The following RIMKLB variants were observed in gnomAD, a reference collection of about 807,000 sequenced individuals.
The protein encoded by RIMKLB is ribosomal modification protein rimK like family member B, also known as beta-citrylglutamate synthase B.
Under a neutral mutation model 32.0 loss-of-function variants are expected in RIMKLB, and 7 were observed. That is an observed-to-expected ratio of 0.22 (90% confidence interval 0.12 to 0.41). The LOEUF (loss-of-function observed/expected upper bound fraction) is 0.41, where lower values mean the gene tolerates loss of function less well. RIMKLB is among the 10% of genes least tolerant of loss of function. RIMKLB has a pLI of 1.00. For missense variants in RIMKLB, 289 were observed against 498.7 expected (o/e 0.58, Z 4.00); for synonymous variants, 172 against 185.1 (o/e 0.93, Z 0.57).
chr12:8,676,891 A>G (rs751647476), upstream of RIMKLB, among the ~76,000 whole-genome samples: 1 of 149,710 alleles, frequency 6.7e-6, no homozygotes, highest in South Asian at 2.1e-4. Context: ...AGTGACTACC[A>G]AGGGACTCTA....
intron 2 of RIMKLB, chr12:8,742,457 G>A: frequency 5.1e-6 from 2 of 391,188 alleles, no homozygotes; most frequent in South Asian, 1.9e-5. Context: ...CCTACAAAGA[G>A]CACATGGAGG....
At chr12:8,768,629 A>G (rs756709596) in intron 5 of RIMKLB, among the ~76,000 whole-genome samples, 72 of 152,370 alleles carry the variant, frequency 4.7e-4, no homozygotes, top group African/African-American at 1.6e-3. Flanking sequence ...ACATTGGAAT[A>G]AAGGATAGCT....
At chr12:8,693,693 G>A (rs994144075), upstream of RIMKLB, among the ~76,000 whole-genome samples, 3 of 151,956 alleles carry the variant, frequency 2.0e-5, no homozygotes, top group Non-Finnish European at 2.9e-5. Flanking sequence ...ACACCACACC[G>A]GGCCTGTACT....
chr12:8,708,342 C>T (rs778803057), intron 1 of RIMKLB, among the ~76,000 whole-genome samples: 2 of 152,052 alleles, frequency 1.3e-5, no homozygotes, highest in Non-Finnish European at 2.9e-5. Context: ...GGGAAGGGTC[C>T]TCACAAGAAA....
intron 2 of RIMKLB, among the ~76,000 whole-genome samples, chr12:8,746,761 T>A (rs1326044261): frequency 6.6e-6 from 1 of 151,142 alleles, no homozygotes. Context: ...TTCAAAAAAC[T>A]TTTTTTTTCC....
intron 2 of RIMKLB, among the ~76,000 whole-genome samples, chr12:8,732,255 A>G (rs755348557): frequency 6.6e-6 from 1 of 152,068 alleles, no homozygotes; most frequent in Non-Finnish European, 1.5e-5. Context: ...TTAGCAGGTG[A>G]TTCCTACTTG....
intron 2 of RIMKLB, among the ~76,000 whole-genome samples, chr12:8,715,774 A>G (rs943435968): frequency 1.3e-5 from 2 of 152,246 alleles, no homozygotes; most frequent in Non-Finnish European, 2.9e-5. Flanking sequence ...TGAGGTCAAC[A>G]TTAGTCAATC....
chr12:8,773,713 A>T lies in RIMKLB; in HGVS notation c.1090A>T (p.Thr364Ser), dbSNP rs755726796. Residue 364 changes from threonine to serine, a missense_variant, in exon 6 of 6, where the codon ACC becomes TCC. Thr to Ser is a moderately conservative substitution (Grantham distance 58, BLOSUM62 1). Transcript: ENST00000535829. ...DPESTERELL[T>S]KLPGGLFNMN... is the part of the protein sequence containing the mutation. ...TGAAAGCACGGAGCGAGAGCTGCTC[A>T]CCAAGCTCCCAGGGGGCCTGTTCAA... 1 of 1,614,234 alleles carries T rather than the reference A, an allele frequency of 6.2e-7. No homozygotes were observed. Among genetic ancestry groups the T allele is most frequent in the South Asian group, 1.1e-5 (1 of 91,086 alleles).
chr12:8,704,860 C>T (rs1943711206), intron 1 of RIMKLB, among the ~76,000 whole-genome samples: 1 of 626 alleles, frequency 1.6e-3, no homozygotes, highest in African/African-American at 8.6e-3. Flanking sequence ...TGGTACATAC[C>T]TGTCATCCCA....
chr12:8,767,196 TC>T (rs1591990831), intron 5 of RIMKLB, among the ~76,000 whole-genome samples: 1 of 152,262 alleles, frequency 6.6e-6, no homozygotes, highest in East Asian at 1.9e-4. Flanking sequence ...ACACTGTTTT[TC>T]CTTTACTACT....
In RIMKLB at chr12:8,775,693, T is replaced by C; in HGVS notation, c.*1909T>C. 1.0e-6 allele frequency: 1 copy of C among 984,880 alleles called. No individual in the cohort carries two copies. The highest frequency in any genetic ancestry group is 1.2e-6 in the Non-Finnish European group (1 of 829,036). The allele number at this position is 984,880 out of a possible 1,614,324, so 61.0% of individuals were successfully genotyped here. A position where few individuals can be genotyped will look rare whatever the true frequency, so the allele number is the denominator to read the frequency against. Reference sequence around the variant, plus strand: ...AAAAAGGAATGTAATAAAATTTGTTTTTTCCATAGAATTAAATAATATTAA... The same window carrying C: ...AAAAAGGAATGTAATAAAATTTGTTCTTTCCATAGAATTAAATAATATTAA... On this transcript the variant is annotated 3_prime_UTR_variant, in exon 6 of 6. Transcript: ENST00000535829.
chr12:8,739,282 G>T (rs1271411667), intron 2 of RIMKLB, among the ~76,000 whole-genome samples: 1 of 152,124 alleles, frequency 6.6e-6, no homozygotes, highest in East Asian at 1.9e-4. Flanking sequence ...GTCCTTACAT[G>T]GAGAAGAGAG....
At chr12:8,728,104 C>A (rs781159657) in intron 2 of RIMKLB, among the ~76,000 whole-genome samples, 2 of 152,154 alleles carry the variant, frequency 1.3e-5, no homozygotes, top group African/African-American at 2.4e-5. Flanking sequence ...TTCTTTCTTA[C>A]AATTCCCATA....
At chr12:8,696,884 C>T (rs1288501937), upstream of RIMKLB, among the ~76,000 whole-genome samples, 1 of 152,156 alleles carries the variant, frequency 6.6e-6, no homozygotes, top group Non-Finnish European at 1.5e-5. Context: ...CATTACCGTA[C>T]CTCACACCTG....
intron 1 of RIMKLB, among the ~76,000 whole-genome samples, chr12:8,685,947 A>G (rs1271946675): frequency 6.6e-6 from 1 of 152,114 alleles, no homozygotes; most frequent in East Asian, 1.9e-4. Flanking sequence ...AGCTGGGACT[A>G]CAAGCGCCCA....
rs1208933054 is a variant in RIMKLB, at chr12:8,776,330, C to T, written c.*2546C>T. On this transcript the variant is annotated 3_prime_UTR_variant, in exon 6 of 6. Coordinates refer to ENST00000535829, the MANE Select transcript of RIMKLB (RefSeq NM_001297776.2). ...TAGATTTTAAAAACATGGATATCTTCTTGAATTCCTTCAAGATTGAGGTAG... is the reference window on the plus strand; with the variant it reads ...TAGATTTTAAAAACATGGATATCTTTTTGAATTCCTTCAAGATTGAGGTAG... The T allele has an allele frequency of 5.1e-6, 5 of 980,946 alleles. No homozygotes were observed. In the African/African-American group the frequency reaches 8.8e-5, roughly 17 times the overall value. The allele number at this position is 980,946 out of a possible 1,614,324, so 60.8% of individuals were successfully genotyped here.
Position 8,729,291 on chromosome 12 carries a change from G to C in RIMKLB, c.175+15250G>C, listed in dbSNP as rs757067884. Among the ~76,000 whole-genome samples the C allele has an allele frequency of 4.6e-5, 7 of 152,168 alleles. No individual in the cohort carries two copies. The East Asian group carries it at 1.4e-3, about 30-fold the overall frequency. On this transcript the variant is annotated intron_variant, in intron 2 of 5. Transcript: ENST00000535829. ...TAAGTGAATTGAGGGTGGTAAATGT[G>C]GGGTATTTTGCTGCAGATGAAAGTG...
intron 2 of RIMKLB, among the ~76,000 whole-genome samples, chr12:8,716,850 C>T (rs1565568920): frequency 1.3e-5 from 2 of 150,380 alleles, no homozygotes; most frequent in East Asian, 3.9e-4. Flanking sequence ...GATCTTCCCA[C>T]CTCAGTAGCT....
intron 2 of RIMKLB, 58 bp from the exon 3 acceptor site, chr12:8,749,804 C>A: frequency 9.1e-7 from 1 of 1,102,604 alleles, no homozygotes; most frequent in South Asian, 1.5e-5. Context: ...ATTACTATTC[C>A]TCTATTTTGT....
Sources: gnomAD v4.1 joint callset for allele counts (sites outside exome capture counted in the v4.1 genomes callset) on GRCh38, gnomAD v4.1.1 for gene constraint, MANE v1.5 for transcripts, NCBI Gene and HGNC (gene_info 2026-07-23, HGNC 2026-07-21) for gene names.